The following RBFOX1 variants were observed in gnomAD, a reference collection of about 807,000 sequenced individuals.
RBFOX1 encodes the protein RNA binding fox-1 homolog 1, also known as RNA binding protein fox-1 homolog 1.
RBFOX1 carries 8 observed loss-of-function variants against 57.7 expected under a neutral mutation model. The ratio of observed to expected loss-of-function variants is 0.14; its 90% CI spans 0.08 to 0.25. RBFOX1 has a LOEUF of 0.25. Ranked by LOEUF, RBFOX1 falls within the 10% of genes least tolerant of loss-of-function variation. The probability of loss-of-function intolerance (pLI) is 1.00; values close to 1 mark genes in which losing one functional copy is unlikely to be tolerated. For missense variants in RBFOX1, 611 were observed against 548.5 expected, an observed-to-expected ratio of 1.11 and a Z score of -1.14; for synonymous variants, 326 against 222.4, an observed-to-expected ratio of 1.47 and a Z score of -4.15.
At chr16:6,770,724 C>A (rs750111055) in intron 3 of RBFOX1, among the ~76,000 whole-genome samples, 1 of 152,252 alleles carries the variant, frequency 6.6e-6, no homozygotes, top group East Asian at 1.9e-4. Flanking sequence ...GAGGAAGTGG[C>A]ATAGGCTGAG....
At chr16:6,027,524 C>T (rs897620171) in intron 1 of RBFOX1, among the ~76,000 whole-genome samples, 3 of 152,166 alleles carry the variant, frequency 2.0e-5, no homozygotes, top group African/African-American at 7.2e-5. Flanking sequence ...TTTCTCTGAA[C>T]CTCAGTCCAT....
At chr16:7,432,448 G>A (rs1325081791) in intron 4 of RBFOX1, among the ~76,000 whole-genome samples, 2 of 152,146 alleles carry the variant, frequency 1.3e-5, no homozygotes, top group African/African-American at 4.8e-5. Context: ...GAGGCTGCTT[G>A]GAGAGACTGT....
intron 2 of RBFOX1, among the ~76,000 whole-genome samples, chr16:6,416,251 C>T (rs7199040): frequency 0.44 from 66,878 of 152,036 alleles, 15,408 homozygotes; most frequent in East Asian, 0.57. Context: ...TCTCAGCCAT[C>T]TCCACATCAA....
At chr16:6,808,920 C>CT (rs1425101604) in intron 3 of RBFOX1, among the ~76,000 whole-genome samples, 1 of 152,186 alleles carries the variant, frequency 6.6e-6, no homozygotes, top group East Asian at 1.9e-4. Context: ...TTAACGCAAA[C>CT]TAAATATGTC....
intron 4 of RBFOX1, among the ~76,000 whole-genome samples, chr16:7,270,569 A>C (rs2095293616): frequency 6.6e-6 from 1 of 152,216 alleles, no homozygotes; most frequent in Non-Finnish European, 1.5e-5. Flanking sequence ...TGGCCCACAG[A>C]CTAGAATCAT....
At chr16:5,646,313 C>T (rs1194084740) in intron 3 of RBFOX1, among the ~76,000 whole-genome samples, 1 of 151,780 alleles carries the variant, frequency 6.6e-6, no homozygotes, top group African/African-American at 2.4e-5. Flanking sequence ...GTGTCAACCA[C>T]TGTGTTGTGG....
rs79752661 is a variant in RBFOX1, at chr16:7,162,373, A to C, written c.27+110275A>C. 7.1e-3 allele frequency among the ~76,000 whole-genome samples: 1,082 copies of C among 152,158 alleles called. 17 individuals carry two copies. Among genetic ancestry groups the C allele is most frequent in the African/African-American group, 0.025 (1,037 of 41,500 alleles). The stretch of plus-strand genomic sequence containing the variant: ...TATTTGCTCATTTAATATCACAGTA[A>C]TTCTATAAATATAATTTAGCAAATT... On this transcript the variant is annotated intron_variant, in intron 4 of 15. Coordinates refer to ENST00000550418, the MANE Select transcript of RBFOX1 (RefSeq NM_018723.4).
chr16:6,410,294 C>A (rs986194199), intron 2 of RBFOX1, among the ~76,000 whole-genome samples: 3 of 145,330 alleles, frequency 2.1e-5, no homozygotes, highest in African/African-American at 7.7e-5. Flanking sequence ...GAAACGATGA[C>A]CTAGGGTTCT....
Position 6,408,020 on chromosome 16 carries a change from G to T in RBFOX1, c.-64+90963G>T, listed in dbSNP as rs1029585602. Among the ~76,000 whole-genome samples, 8 of 152,228 alleles carry T rather than the reference G, an allele frequency of 5.3e-5. No individual in the cohort carries two copies. The East Asian group carries it at 1.6e-3, about 30-fold the overall frequency. On this transcript the variant is annotated intron_variant, in intron 2 of 15. Transcript: ENST00000550418. ...TGGGGTTTGTGCTTTTATCAAAGAG[G>T]CCAGAGGAAGCTTGTTTACCCCTCC...
chr16:7,264,078 C>G (rs1190923131), intron 4 of RBFOX1, among the ~76,000 whole-genome samples: 2 of 152,106 alleles, frequency 1.3e-5, no homozygotes, highest in African/African-American at 4.8e-5. Flanking sequence ...CATTGTTACC[C>G]TGTTTCTTAC....
chr16:6,775,065 C>G (rs1043740641), intron 3 of RBFOX1, among the ~76,000 whole-genome samples: 2 of 151,738 alleles, frequency 1.3e-5, no homozygotes, highest in African/African-American at 4.8e-5. Flanking sequence ...GTGGCTCACG[C>G]CTGTAATCCC....
intron 2 of RBFOX1, among the ~76,000 whole-genome samples, chr16:6,594,313 G>T (rs970573813): frequency 2.6e-5 from 4 of 152,140 alleles, no homozygotes; most frequent in African/African-American, 9.7e-5. Flanking sequence ...ATGACCCTGG[G>T]AGGCCGACAA....
At chr16:7,029,219 TACACAC>T (rs201845448) in intron 3 of RBFOX1, among the ~76,000 whole-genome samples, 1 of 64,358 alleles carries the variant, frequency 1.6e-5, no homozygotes, top group Non-Finnish European at 3.3e-5. Context: ...CGTATATATA[TACACAC>T]ATATATATAC....
intron 2 of RBFOX1, among the ~76,000 whole-genome samples, chr16:6,592,121 C>A (rs938511169): frequency 1.1e-4 from 17 of 152,198 alleles, no homozygotes; most frequent in African/African-American, 3.9e-4. Context: ...ACGATTGAGT[C>A]AGCCAGAATT....
chr16:5,288,226 G>A (rs2063446968), intron 1 of RBFOX1, among the ~76,000 whole-genome samples: 1 of 152,198 alleles, frequency 6.6e-6, no homozygotes, highest in African/African-American at 2.4e-5. Context: ...CAAGGGGTCA[G>A]AATTGTTGAA....
chr16:5,474,349 G>C (rs1180802736), intron 2 of RBFOX1, among the ~76,000 whole-genome samples: 1 of 152,160 alleles, frequency 6.6e-6, no homozygotes. Flanking sequence ...TCATTAATGT[G>C]TGTTTAAAAA....
chr16:7,273,003 C>T (rs1013349966), intron 4 of RBFOX1, among the ~76,000 whole-genome samples: 1 of 142,922 alleles, frequency 7.0e-6, no homozygotes, highest in Admixed American at 7.1e-5. Context: ...CCCTTCCTTC[C>T]TCCCTTCCTT....
At chr16:6,952,778 C>T (rs1272621150) in intron 3 of RBFOX1, among the ~76,000 whole-genome samples, 2 of 152,120 alleles carry the variant, frequency 1.3e-5, no homozygotes, top group Non-Finnish European at 2.9e-5. Flanking sequence ...GAGTTTGACA[C>T]CAGCCTGGCC....
intron 3 of RBFOX1, among the ~76,000 whole-genome samples, chr16:6,830,964 G>A (rs916847754): frequency 5.3e-4 from 80 of 152,108 alleles, no homozygotes; most frequent in Non-Finnish European, 9.7e-4. Flanking sequence ...ATTTAATTGC[G>A]ATATGTAAAG....
Sources: gnomAD v4.1 joint callset for allele counts (sites outside exome capture counted in the v4.1 genomes callset) on GRCh38, gnomAD v4.1.1 for gene constraint, MANE v1.5 for transcripts, NCBI Gene and HGNC (gene_info 2026-07-23, HGNC 2026-07-21) for gene names.